Variants in RPH3AL observed in about 807,000 individuals in gnomAD.
RPH3AL encodes the protein rab effector Noc2.
Under a neutral mutation model 43.1 loss-of-function variants are expected in RPH3AL, and 38 were observed. The observed-to-expected ratio is 0.88, with a 90% CI of 0.68 to 1.15. The LOEUF (loss-of-function observed/expected upper bound fraction) is 1.15, where lower values mean the gene tolerates loss of function less well. RPH3AL is among the 50% of genes most tolerant of loss of function. The pLI is 0.00. For synonymous variants in RPH3AL, 189 were observed against 176.3 expected, an observed-to-expected ratio of 1.07 and a Z score of -0.57; for missense variants, 462 against 423.2, an observed-to-expected ratio of 1.09 and a Z score of -0.81.
chr17:267,461 G>A (rs1262994556), intron 6 of RPH3AL, among the ~76,000 whole-genome samples: 1 of 152,324 alleles, frequency 6.6e-6, no homozygotes, highest in African/African-American at 2.4e-5. Flanking sequence ...TTTCAGACGA[G>A]CGTCATGATT....
intron 1 of RPH3AL, among the ~76,000 whole-genome samples, chr17:347,454 C>T (rs544438593): frequency 2.0e-5 from 3 of 152,190 alleles, no homozygotes; most frequent in Non-Finnish European, 4.4e-5. Flanking sequence ...CGTGAGGGCA[C>T]ATGCCCACAG....
At chr17:228,511 C>G (rs563536057) in intron 7 of RPH3AL, among the ~76,000 whole-genome samples, 8 of 152,178 alleles carry the variant, frequency 5.3e-5, no homozygotes, top group Admixed American at 2.0e-4. Context: ...CTGGAACTCA[C>G]GGGCCCACAC....
intron 5 of RPH3AL, among the ~76,000 whole-genome samples, chr17:315,686 C>G (rs1567511044): frequency 6.6e-6 from 1 of 151,654 alleles, no homozygotes. Context: ...TCCCTGTGAC[C>G]CCACCTCCAT....
At chr17:214,774 A>T (rs2040754323) in intron 9 of RPH3AL, 1 of 152,504 alleles carries the variant, frequency 6.6e-6, no homozygotes. Context: ...TGTCTCAAAA[A>T]AAAAAAAAAG....
At chr17:317,819 G>T (rs1244280052) in intron 5 of RPH3AL, among the ~76,000 whole-genome samples, 1 of 152,102 alleles carries the variant, frequency 6.6e-6, no homozygotes, top group African/African-American at 2.4e-5. Context: ...ATGCCCTCAA[G>T]TTTGCCAGTG....
chr17:266,469 T>C (rs1015361636), intron 6 of RPH3AL, among the ~76,000 whole-genome samples: 3 of 152,198 alleles, frequency 2.0e-5, no homozygotes, highest in African/African-American at 7.2e-5. Flanking sequence ...CTGTACCCAG[T>C]TGGAGGGCCC....
chr17:218,127 G>A (rs1328304686), intron 8 of RPH3AL, among the ~76,000 whole-genome samples: 6 of 150,020 alleles, frequency 4.0e-5, no homozygotes, highest in African/African-American at 1.5e-4. Context: ...AATTGGCCTC[G>A]CTGAAATCAG....
At chr17:316,514 C>T (rs2044203648) in intron 5 of RPH3AL, among the ~76,000 whole-genome samples, 1 of 150,970 alleles carries the variant, frequency 6.6e-6, no homozygotes, top group South Asian at 2.1e-4. Context: ...TGTGCTCCAC[C>T]TCCAGTGACC....
At chr17:219,289 C>A (rs555334177) in intron 8 of RPH3AL, among the ~76,000 whole-genome samples, 1 of 148,284 alleles carries the variant, frequency 6.7e-6, no homozygotes, top group African/African-American at 2.5e-5. Context: ...ACCTCCACCC[C>A]CTGGATTCAG....
intron 8 of RPH3AL, among the ~76,000 whole-genome samples, chr17:218,467 G>A (rs868949881): frequency 3.7e-3 from 508 of 138,846 alleles, no homozygotes; most frequent in Non-Finnish European, 5.6e-3. Flanking sequence ...AATTGGCCTC[G>A]CTGAAATCAG....
intron 3 of RPH3AL, among the ~76,000 whole-genome samples, chr17:324,979 C>T (rs561300613): frequency 6.6e-6 from 1 of 152,300 alleles, no homozygotes; most frequent in South Asian, 2.1e-4. Flanking sequence ...CTGCCTCAGC[C>T]TCCCAAAGTG....
intron 1 of RPH3AL, chr17:341,093 C>T (rs1205932690): frequency 1.5e-5 from 2 of 134,292 alleles, no homozygotes; most frequent in Non-Finnish European, 3.1e-5. Context: ...TGCCCCCTCC[C>T]AGGCCTCCCC....
chr17:317,269 A>C, intron 5 of RPH3AL, among the ~76,000 whole-genome samples: 3 of 137,568 alleles, frequency 2.2e-5, no homozygotes, highest in Admixed American at 7.3e-5. Context: ...CCTGTGCCCC[A>C]CCTCCATTGA....
chr17:252,173 C>T (rs2041920163), intron 6 of RPH3AL, among the ~76,000 whole-genome samples: 1 of 151,964 alleles, frequency 6.6e-6, no homozygotes, highest in South Asian at 2.1e-4. Context: ...TGGGGTTTTA[C>T]CATGTTACTC....
chr17:229,955 T>C (rs894075736), intron 7 of RPH3AL, among the ~76,000 whole-genome samples: 2 of 151,864 alleles, frequency 1.3e-5, no homozygotes, highest in Admixed American at 6.6e-5. Context: ...CCAGGAGATA[T>C]GGGGTGTGCT....
intron 6 of RPH3AL, among the ~76,000 whole-genome samples, chr17:268,647 G>A (rs752069716): frequency 1.6e-5 from 2 of 125,768 alleles, no homozygotes; most frequent in African/African-American, 5.9e-5. Context: ...TGCAGCCTCC[G>A]CCTCCCAGGT....
intron 3 of RPH3AL, chr17:321,728 C>G: frequency 1.5e-5 from 5 of 333,554 alleles, no homozygotes; most frequent in South Asian, 7.2e-5. Flanking sequence ...GGCCCAGGTG[C>G]CGTGTGCAGG....
intron 5 of RPH3AL, among the ~76,000 whole-genome samples, chr17:312,121 G>T (rs1261193963): frequency 6.6e-6 from 1 of 152,054 alleles, no homozygotes; most frequent in East Asian, 1.9e-4. Flanking sequence ...GGGCAACAAA[G>T]CGATACCCTG....
chr17:303,524 C>T (rs1180433239), intron 5 of RPH3AL, among the ~76,000 whole-genome samples: 7 of 130,198 alleles, frequency 5.4e-5, no homozygotes, highest in Admixed American at 3.1e-4. Flanking sequence ...GAGCAGTGAC[C>T]GTGTTTCAGG....
Sources: gnomAD v4.1 joint callset for allele counts (sites outside exome capture counted in the v4.1 genomes callset) on GRCh38, gnomAD v4.1.1 for gene constraint, MANE v1.5 for transcripts, NCBI Gene and HGNC (gene_info 2026-07-23, HGNC 2026-07-21) for gene names.